The following XPO6 variants were observed in gnomAD, a reference collection of about 807,000 sequenced individuals.
The protein encoded by XPO6 is exportin-6.
Under a neutral mutation model 130.0 loss-of-function variants are expected in XPO6, and 3 were observed. The observed-to-expected ratio is 0.02, with a 90% CI of 0.01 to 0.06. The LOEUF (loss-of-function observed/expected upper bound fraction) is 0.06. Ranked by LOEUF, XPO6 falls within the 10% of genes least tolerant of loss-of-function variation. The pLI, the probability that XPO6 is intolerant of heterozygous loss-of-function variation, is 1.00. For missense variants in XPO6, 970 were observed against 1,393.0 expected (o/e 0.70, Z 4.83); for synonymous variants, 524 against 548.9 (o/e 0.95, Z 0.63).
intron 1 of XPO6, among the ~76,000 whole-genome samples, chr16:28,193,562 G>A (rs79369561): frequency 0.022 from 3,325 of 152,236 alleles, 107 homozygotes; most frequent in African/African-American, 0.076. Context: ...CCCCACTGGC[G>A]AGGCACTGGA....
intron 14 of XPO6, among the ~76,000 whole-genome samples, chr16:28,118,925 TG>T (rs2087148099): frequency 6.6e-6 from 1 of 152,310 alleles, no homozygotes; most frequent in African/African-American, 2.4e-5. Context: ...AACCAAGACC[TG>T]GGGAAAACGG....
Position 28,132,647 on chromosome 16 carries a change from C to T in XPO6, c.1537-244G>A, listed in dbSNP as rs1596841615. Reference sequence around the variant, plus strand: ...AGAAAGAAAACGTATTAGTTCAACCCTTTTTTTAAAAAAAAAAAAAAAGCA... The same window carrying T: ...AGAAAGAAAACGTATTAGTTCAACCTTTTTTTTAAAAAAAAAAAAAAAGCA... On this transcript the variant is annotated intron_variant, in intron 11 of 23. Coordinates refer to ENST00000304658, the MANE Select transcript of XPO6 (RefSeq NM_015171.4). This position sits in a 1 kb window ranked among gnomAD's most constrained non-coding sequence, Gnocchi z 4.0. Among the ~76,000 whole-genome samples, 1 of 134,514 alleles carries T rather than the reference C, an allele frequency of 7.4e-6. No individual in the cohort carries two copies. The highest frequency in any genetic ancestry group is 2.2e-4 in the East Asian group (1 of 4,648). 88.2% of individuals were successfully genotyped at this position (134,514 alleles called of 152,430 possible). A position where few individuals can be genotyped will look rare whatever the true frequency, so the allele number is the denominator to read the frequency against.
intron 15 of XPO6, 60 bp downstream of exon 15, chr16:28,117,258 T>C: frequency 1.9e-6 from 3 of 1,597,926 alleles, no homozygotes; most frequent in Non-Finnish European, 2.6e-6. Flanking sequence ...TAAATGGGTA[T>C]AGGAACAGAA....
At chr16:28,152,807 G>A (rs1461278894) in intron 7 of XPO6, 22 bp from the exon 8 acceptor site, 1 of 1,604,450 alleles carries the variant, frequency 6.2e-7, no homozygotes, top group Non-Finnish European at 8.5e-7. Flanking sequence ...AAGACAAAAG[G>A]TGACAATAAG....
intron 9 of XPO6, among the ~76,000 whole-genome samples, chr16:28,136,664 C>T (rs1025885199): frequency 3.9e-5 from 6 of 152,196 alleles, no homozygotes; most frequent in African/African-American, 1.4e-4. Flanking sequence ...ATACTCAGAG[C>T]GGTAGGTTTG....
Position 28,113,059 on chromosome 16 carries a change from G to A in XPO6, c.2005-9C>T, listed in dbSNP as rs751856934. On this transcript the variant is annotated splice_polypyrimidine_tract_variant and intron_variant, in intron 15 of 23. Transcript: ENST00000304658. ...AGCAGCTTGTCTTGGACCTGCAGAGGGAAGAGGGCACGTCAGCTCACCACA... is the reference window on the plus strand; with the variant it reads ...AGCAGCTTGTCTTGGACCTGCAGAGAGAAGAGGGCACGTCAGCTCACCACA... The A allele has an allele frequency of 6.2e-6, 10 of 1,612,640 alleles. No homozygotes were observed. The highest frequency in any genetic ancestry group is 8.5e-6 in the Non-Finnish European group (10 of 1,179,122).
At chr16:28,139,083 C>A (rs1489524529) in intron 9 of XPO6, among the ~76,000 whole-genome samples, 11 of 152,180 alleles carry the variant, frequency 7.2e-5, no homozygotes, top group Admixed American at 6.5e-4. Flanking sequence ...TGAAGCCTAA[C>A]CCTCAATGTG....
intron 4 of XPO6, among the ~76,000 whole-genome samples, chr16:28,171,984 C>T (rs1006075139): frequency 1.3e-5 from 2 of 152,094 alleles, no homozygotes; most frequent in Non-Finnish European, 2.9e-5. Context: ...GGAAATGACT[C>T]GTAATGCCAA....
Position 28,098,504 on chromosome 16 carries a change from C to CAGCAGAAGTCCGTGTCCCCAGGCAGT in XPO6, c.*8_*33dup. 6.3e-7 allele frequency: 1 copy of CAGCAGAAGTCCGTGTCCCCAGGCAGT among 1,576,594 alleles called. No homozygotes were observed. Among genetic ancestry groups the CAGCAGAAGTCCGTGTCCCCAGGCAGT allele is most frequent in the Non-Finnish European group, 8.7e-7 (1 of 1,153,486 alleles). On this transcript the variant is annotated 3_prime_UTR_variant, in exon 24 of 24. Coordinates refer to ENST00000304658, the MANE Select transcript of XPO6 (RefSeq NM_015171.4). ...AAGGTAGGGCTGGCGCAGGTGGCAG[C>CAGCAGAAGTCCGTGTCCCCAGGCAGT]AGCAGAAGTCCGTGTCCCCAGGCAG...
intron 1 of XPO6, among the ~76,000 whole-genome samples, chr16:28,200,823 C>T (rs1026698068): frequency 2.0e-5 from 3 of 152,244 alleles, no homozygotes; most frequent in East Asian, 3.9e-4. Context: ...AAAATGGGAA[C>T]ATAATACCTA....
chr16:28,167,541 C>T (rs773172562), intron 5 of XPO6, among the ~76,000 whole-genome samples: 3 of 152,316 alleles, frequency 2.0e-5, no homozygotes, highest in East Asian at 1.9e-4. Context: ...ACCTGTCTGT[C>T]GCTCAAAATT....
At chr16:28,134,172 T>A (rs2042730132) in intron 10 of XPO6, among the ~76,000 whole-genome samples, 1 of 152,224 alleles carries the variant, frequency 6.6e-6, no homozygotes, top group Admixed American at 6.5e-5. Context: ...CCCCTTTGGG[T>A]TATAGGATAC....
At chr16:28,135,460 G>T (rs779671326) in intron 9 of XPO6, 136 bp from the exon 10 acceptor site, 3 of 675,878 alleles carry the variant, frequency 4.4e-6, no homozygotes, top group African/African-American at 1.8e-5. Flanking sequence ...CTGAGGCTGA[G>T]TTTATGGGTT....
intron 12 of XPO6, among the ~76,000 whole-genome samples, chr16:28,127,063 C>T (rs1234906104): frequency 6.6e-6 from 1 of 152,210 alleles, no homozygotes. Flanking sequence ...TCCCCTGAAG[C>T]AGGTGCTGAA....
In XPO6 at chr16:28,167,290, C is replaced by T. The variant is rs555040063; in HGVS notation, c.566-705G>A. On this transcript the variant is annotated intron_variant, in intron 5 of 23. Transcript: ENST00000304658. ...TGCTACGTGCATATCCCAAACTCAA[C>T]TTTTCGTTCCCCACAAACCTGCCAC... 1.3e-4 allele frequency: 129 copies of T among 985,444 alleles called. 1 individual carries two copies. In the South Asian group the frequency reaches 5.5e-3, roughly 42 times the overall value. 61.0% of individuals were successfully genotyped at this position (985,444 alleles called of 1,614,324 possible).
rs994307096 is a variant in XPO6 at position 28,132,604 on chromosome 16, CAATT to C, written c.1537-205_1537-202del. ...AACTAGTTTCTATAATTGAAACCGC[CAATT>C]AATACACAGAATAAGAAAGAAAACG... On this transcript the variant is annotated intron_variant, in intron 11 of 23. Coordinates refer to ENST00000304658, the MANE Select transcript of XPO6 (RefSeq NM_015171.4). The surrounding 1 kb of genome is among the most constrained non-coding windows in gnomAD (Gnocchi z 4.0). Among the ~76,000 whole-genome samples the C allele has an allele frequency of 4.7e-5, 7 of 148,742 alleles. No individual in the cohort carries two copies. Among genetic ancestry groups the C allele is most frequent in the Non-Finnish European group, 1.0e-4 (7 of 67,448 alleles).
rs565546739 is a variant in XPO6 at position 28,155,685 on chromosome 16, G to A, written c.1097+389C>T. 245 of 170,098 alleles carry A rather than the reference G, an allele frequency of 1.4e-3. 1 individual carries two copies. Among genetic ancestry groups the A allele is most frequent in the South Asian group, 2.8e-3 (18 of 6,338 alleles). The allele number at this position is 170,098 out of a possible 1,614,324, so 10.5% of individuals were successfully genotyped here. ...AAACTGACACCAAGTGACAAAAGGC[G>A]ATTATAACTCCTGTACCTCCACGGA... On this transcript the variant is annotated intron_variant, in intron 7 of 23. Transcript: ENST00000304658.
intron 1 of XPO6, among the ~76,000 whole-genome samples, chr16:28,204,161 G>C (rs936834712): frequency 1.3e-5 from 2 of 152,008 alleles, no homozygotes; most frequent in Admixed American, 6.6e-5. Flanking sequence ...AGACTCTTGG[G>C]ATACATGAAC....
At chr16:28,168,784 T>C (rs912010361) in intron 5 of XPO6, among the ~76,000 whole-genome samples, 1 of 151,052 alleles carries the variant, frequency 6.6e-6, no homozygotes, top group South Asian at 2.1e-4. Flanking sequence ...TTGTTTTGTT[T>C]TTTTTTTTTT....
Sources: allele counts gnomAD v4.1 joint callset (sites outside exome capture counted in the v4.1 genomes callset), GRCh38; gene constraint gnomAD v4.1.1; non-coding constraint Gnocchi (gnomAD v3.1); transcripts MANE v1.5; gene names NCBI Gene and HGNC (gene_info 2026-07-23, HGNC 2026-07-21).